The following CNMD variants were observed in gnomAD, a reference collection of about 807,000 sequenced individuals.
CNMD encodes chondromodulin.
A neutral mutation model predicts 37.5 loss-of-function variants in CNMD; 30 were observed. The ratio of observed to expected loss-of-function variants is 0.80; its 90% CI spans 0.60 to 1.09. The LOEUF (loss-of-function observed/expected upper bound fraction) is 1.09, where lower values mean the gene tolerates loss of function less well. Among genes scored for constraint, CNMD ranks in the 50% least tolerant of loss-of-function variants. The pLI is 0.00. For synonymous variants in CNMD, 167 were observed against 148.2 expected (o/e 1.13, Z -0.92); for missense variants, 398 against 423.9 (o/e 0.94, Z 0.54).
At position 52,739,206 on chromosome 13, in the gene CNMD, T is replaced by G; in HGVS notation, c.73-35A>C. On this transcript the variant is annotated intron_variant, in intron 1 of 6. Coordinates refer to ENST00000377962, the MANE Select transcript of CNMD (RefSeq NM_007015.3). The surrounding 1 kb of genome is among the most constrained non-coding windows in gnomAD (Gnocchi z 5.4). ...GGGGCGGGAGAGGGACCGTCGCGTT[T>G]GTGCCGCCAGCACCTGCGGCCCCCA... The G allele has an allele frequency of 2.1e-6, 3 of 1,445,438 alleles. No individual in the cohort carries two copies. The highest frequency in any genetic ancestry group is 2.7e-6 in the Non-Finnish European group (3 of 1,103,716). 89.5% of individuals were successfully genotyped at this position (1,445,438 alleles called of 1,614,324 possible). A position where few individuals can be genotyped will look rare whatever the true frequency, so the allele number is the denominator to read the frequency against.
intron 4 of CNMD, among the ~76,000 whole-genome samples, chr13:52,713,506 C>T (rs1205132534): frequency 6.6e-6 from 1 of 152,168 alleles, no homozygotes; most frequent in Non-Finnish European, 1.5e-5. Context: ...ATTTATCCTG[C>T]CAGGTTGTTC....
intron 2 of CNMD, among the ~76,000 whole-genome samples, chr13:52,734,483 G>T (rs1243555305): frequency 6.6e-6 from 1 of 152,130 alleles, no homozygotes; most frequent in Non-Finnish European, 1.5e-5. Flanking sequence ...TTACTGCACT[G>T]GTTTCAAAAT....
chr13:52,731,255 C>G (rs1170918199), intron 3 of CNMD, among the ~76,000 whole-genome samples: 1 of 152,168 alleles, frequency 6.6e-6, no homozygotes, highest in African/African-American at 2.4e-5. Context: ...TCTGTGTGTA[C>G]GTCTGCCTCC....
At chr13:52,729,853 A>C (rs57733500) in intron 3 of CNMD, among the ~76,000 whole-genome samples, 1,748 of 151,922 alleles carry the variant, frequency 0.012, 36 homozygotes, top group African/African-American at 0.041. Flanking sequence ...TTATACTTTA[A>C]GTTTTTGGGT....
chr13:52,732,824 G>A (rs925269062), intron 3 of CNMD, among the ~76,000 whole-genome samples: 1 of 152,078 alleles, frequency 6.6e-6, no homozygotes, highest in African/African-American at 2.4e-5. Context: ...AGAAGAACCT[G>A]CTCTTTTCAA....
intron 5 of CNMD, among the ~76,000 whole-genome samples, chr13:52,710,534 G>T (rs910718337): frequency 4.6e-5 from 7 of 152,188 alleles, no homozygotes; most frequent in Non-Finnish European, 1.0e-4. Context: ...ATGACCTGCT[G>T]GCTTCAAGAT....
intron 3 of CNMD, among the ~76,000 whole-genome samples, chr13:52,726,364 A>G (rs1385272799): frequency 2.6e-5 from 4 of 152,208 alleles, no homozygotes; most frequent in African/African-American, 7.2e-5. Context: ...CTTTGGACCC[A>G]AGTTTCTTTT....
At chr13:52,705,732 T>G (rs561806804) in intron 6 of CNMD, among the ~76,000 whole-genome samples, 5 of 151,980 alleles carry the variant, frequency 3.3e-5, no homozygotes, top group African/African-American at 4.8e-5. Context: ...CAACATATAA[T>G]AAAGGAAAAA....
chr13:52,734,091 G>A (rs937164425), intron 2 of CNMD, among the ~76,000 whole-genome samples: 1 of 152,182 alleles, frequency 6.6e-6, no homozygotes, highest in African/African-American at 2.4e-5. Context: ...GAGATGTGTG[G>A]GGAGTGTGGA....
chr13:52,710,944 T>C (rs1364507891), intron 5 of CNMD, among the ~76,000 whole-genome samples: 1 of 152,202 alleles, frequency 6.6e-6, no homozygotes, highest in Non-Finnish European at 1.5e-5. Flanking sequence ...CCAATAATGC[T>C]GTGTTCCGAT....
At chr13:52,709,549 T>C (rs1594276561) in intron 5 of CNMD, among the ~76,000 whole-genome samples, 2 of 152,278 alleles carry the variant, frequency 1.3e-5, no homozygotes, top group Non-Finnish European at 2.9e-5. Flanking sequence ...GCATCAAGCC[T>C]CAGAAAGGCC....
At chr13:52,720,003 T>G (rs1043317118) in intron 4 of CNMD, among the ~76,000 whole-genome samples, 1 of 152,224 alleles carries the variant, frequency 6.6e-6, no homozygotes, top group Non-Finnish European at 1.5e-5. Context: ...AGTCCCATAT[T>G]TCTTGGAGGC....
At position 52,739,322 on chromosome 13, in the gene CNMD, G is replaced by T; in HGVS notation, c.73-151C>A. The T allele has an allele frequency of 1.1e-6, 1 of 934,522 alleles. No individual in the cohort carries two copies. Among genetic ancestry groups the T allele is most frequent in the Non-Finnish European group, 1.5e-6 (1 of 657,158 alleles). 57.9% of individuals were successfully genotyped at this position (934,522 alleles called of 1,614,324 possible). On this transcript the variant is annotated intron_variant, in intron 1 of 6. Coordinates refer to ENST00000377962, the MANE Select transcript of CNMD (RefSeq NM_007015.3). The surrounding 1 kb of genome is among the most constrained non-coding windows in gnomAD (Gnocchi z 5.4). ...GGCTCCTACGGGTGCCCCTTTCGCC[G>T]CGCTCCCTCCCGAGGGTCCTTTGCA...
At chr13:52,724,149 T>C (rs1964531661) in intron 3 of CNMD, 39 bp from the exon 4 acceptor site, 1 of 1,446,490 alleles carries the variant, frequency 6.9e-7, no homozygotes. Flanking sequence ...TATCCATTTG[T>C]TCATTTATTC....
At chr13:52,730,393 G>A (rs1326341348) in intron 3 of CNMD, among the ~76,000 whole-genome samples, 5 of 151,966 alleles carry the variant, frequency 3.3e-5, no homozygotes, top group Admixed American at 6.6e-5. Context: ...CTGAGTAATC[G>A]CCACACTGAC....
At chr13:52,712,196 A>T (rs1420873541) in intron 5 of CNMD, among the ~76,000 whole-genome samples, 1 of 152,146 alleles carries the variant, frequency 6.6e-6, no homozygotes, top group Admixed American at 6.6e-5. Context: ...CCTAGCTGTG[A>T]ACCCCAGGGA....
intron 3 of CNMD, among the ~76,000 whole-genome samples, chr13:52,726,415 C>G (rs1395536859): frequency 6.6e-6 from 1 of 152,078 alleles, no homozygotes; most frequent in African/African-American, 2.4e-5. Context: ...CAAAAATCCC[C>G]TGGGTCCCCA....
At chr13:52,725,380 C>T (rs566944879) in intron 3 of CNMD, among the ~76,000 whole-genome samples, 10 of 152,278 alleles carry the variant, frequency 6.6e-5, no homozygotes, top group South Asian at 2.1e-4. Context: ...AAACTTTCTA[C>T]AGCACCTGGT....
rs752487864 is a variant in CNMD, at chr13:52,733,250, T to G, written c.323A>C (p.Glu108Ala). 2 of 1,614,198 alleles carry G rather than the reference T, an allele frequency of 1.2e-6. No individual in the cohort carries two copies. Among genetic ancestry groups the G allele is most frequent in the South Asian group, 2.2e-5 (2 of 91,086 alleles). The change falls in exon 3 of 7, where the codon GAA (glutamate) becomes GCA (alanine). Residue 108 changes from glutamate (E) to alanine (A), a missense_variant. Coordinates refer to ENST00000377962, the MANE Select transcript of CNMD (RefSeq NM_007015.3). Reference protein sequence around the residue: ...LETFKMGSGAEEAIAVNDFQN... With the variant: ...LETFKMGSGAAEAIAVNDFQN... ...GAAATCATTAACTGCAATTGCTTCT[T>G]CAGCTCCACTTCCCATTTTAAAGGT... is the stretch of plus-strand genomic sequence containing the variant.
Sources: allele counts gnomAD v4.1 joint callset (sites outside exome capture counted in the v4.1 genomes callset), GRCh38; gene constraint gnomAD v4.1.1; non-coding constraint Gnocchi (gnomAD v3.1); transcripts MANE v1.5; gene names NCBI Gene and HGNC (gene_info 2026-07-23, HGNC 2026-07-21).